Variants in BBS12 observed in about 807,000 individuals in gnomAD.
BBS12 encodes chaperonin-containing T-complex member BBS12.
Under a neutral mutation model 5.6 loss-of-function variants are expected in BBS12, and 5 were observed. The observed-to-expected ratio is 0.89, with a 90% CI of 0.46 to 1.86. The LOEUF (loss-of-function observed/expected upper bound fraction) is 1.86. BBS12 is among the 40% of genes most tolerant of loss of function. The pLI is 0.01. For synonymous variants in BBS12, 308 were observed against 306.8 expected (o/e 1.00, Z -0.04); for missense variants, 748 against 830.4 (o/e 0.90, Z 1.22).
At chr4:122,723,650 C>G in the BBS12 span, among the ~76,000 whole-genome samples, 1 of 152,190 alleles carries the variant, frequency 6.6e-6, no homozygotes, top group Non-Finnish European at 1.5e-5. Context: ...TACCTGAAAC[C>G]TGGCAGGTGG....
chr4:122,730,514 G>C (rs1243071488), upstream of BBS12: 1 of 152,174 alleles, frequency 6.6e-6, no homozygotes, highest in Non-Finnish European at 1.5e-5. Context: ...ATACAAATTT[G>C]TTAATTTTCC....
At chr4:122,729,797 A>C (rs986888147), upstream of BBS12, 1 of 152,190 alleles carries the variant, frequency 6.6e-6, no homozygotes, top group African/African-American at 2.4e-5. Flanking sequence ...AATGCAAAAA[A>C]TTAGCTAGGC....
At chr4:122,717,823 C>A in the BBS12 span, among the ~76,000 whole-genome samples, 1 of 152,174 alleles carries the variant, frequency 6.6e-6, no homozygotes, top group African/African-American at 2.4e-5. Flanking sequence ...CCACACCGAG[C>A]CACTTTTCTG....
At chr4:122,717,834 C>T in the BBS12 span, among the ~76,000 whole-genome samples, 2 of 152,250 alleles carry the variant, frequency 1.3e-5, no homozygotes, top group South Asian at 4.1e-4. Flanking sequence ...CACTTTTCTG[C>T]TTTTCTCCCC....
chr4:122,742,314 T>TG lies in BBS12; in HGVS notation c.424dup (p.Asp142GlyfsTer10), dbSNP rs1553941258. The TG allele has an allele frequency of 1.9e-6, 3 of 1,614,150 alleles. No homozygotes were observed. ...CCTGTTCACAATATATTTGACTGTA[T>TG]GGACAGCACAAAAACATTTTCTCAA... On this transcript the variant is annotated frameshift_variant, in exon 2 of 2. Transcript: ENST00000314218. LOFTEE classifies it low-confidence loss of function (END_TRUNC).
rs1800960321 is a variant in BBS12 at position 122,744,666 on chromosome 4, A to T, written c.*641A>T. 1 of 167,372 alleles carries T rather than the reference A, an allele frequency of 6.0e-6. No individual in the cohort carries two copies. The allele number at this position is 167,372 out of a possible 1,614,324, so 10.4% of individuals were successfully genotyped here. On this transcript the variant is annotated 3_prime_UTR_variant, in exon 2 of 2. Coordinates refer to ENST00000314218, the MANE Select transcript of BBS12 (RefSeq NM_152618.3). ...AATTTTCACATGAGTATGCCACTCT[A>T]TCAGCTACTCTGATTAACCTGACAG...
In BBS12 at chr4:122,743,404, C is replaced by T. The variant is rs777299324; in HGVS notation, c.1512C>T (p.Leu504=). 10 of 1,614,096 alleles carry T rather than the reference C, an allele frequency of 6.2e-6. No homozygotes were observed. The highest frequency in any genetic ancestry group is 1.6e-4 in the Middle Eastern group (1 of 6,084). The change falls in exon 2 of 2, where the codon CTC becomes CTT. Residue 504 remains leucine, a synonymous_variant. Transcript: ENST00000314218. Reference sequence around the variant, plus strand: ...GAATTAATTTGGTTACGGCCGTGCTCACTAACCCAGTTACTGCACAGATGC... The same window carrying T: ...GAATTAATTTGGTTACGGCCGTGCTTACTAACCCAGTTACTGCACAGATGC... The part of the protein sequence containing the change: ...TEGINLVTAV[L]TNPVTAQMQI...
upstream of BBS12, chr4:122,731,632 T>G (rs1456385820): frequency 6.6e-6 from 1 of 152,244 alleles, no homozygotes; most frequent in Non-Finnish European, 1.5e-5. Context: ...TCAGCTACCA[T>G]TTTTTAAATT....
chr4:122,710,594 A>G, the BBS12 span, among the ~76,000 whole-genome samples: 1 of 152,208 alleles, frequency 6.6e-6, no homozygotes, highest in African/African-American at 2.4e-5. Context: ...GCATGGATAG[A>G]CTGACAGTTA....
In BBS12 at chr4:122,744,121, C is replaced by G; in HGVS notation, c.*96C>G. 7.8e-7 allele frequency: 1 copy of G among 1,288,392 alleles called. No individual in the cohort carries two copies. Among genetic ancestry groups the G allele is most frequent in the South Asian group, 1.2e-5 (1 of 80,458 alleles). 79.8% of individuals were successfully genotyped at this position (1,288,392 alleles called of 1,614,324 possible). A position where few individuals can be genotyped will look rare whatever the true frequency, so the allele number is the denominator to read the frequency against. ...CAAGTCATGGTGCCTAAAATGCCAG[C>G]TATTGCCAAGAAGAAAATAGTTGAT... On this transcript the variant is annotated 3_prime_UTR_variant, in exon 2 of 2. Coordinates refer to ENST00000314218, the MANE Select transcript of BBS12 (RefSeq NM_152618.3).
chr4:122,738,943 A>G (rs748602937), intron 1 of BBS12, among the ~76,000 whole-genome samples: 8 of 152,190 alleles, frequency 5.3e-5, no homozygotes, highest in Non-Finnish European at 8.8e-5. Context: ...ATTTGAAAAT[A>G]GTTTCTTTGT....
the BBS12 span, among the ~76,000 whole-genome samples, chr4:122,723,292 T>C: frequency 1.1e-4 from 17 of 152,320 alleles, no homozygotes; most frequent in South Asian, 3.5e-3. Flanking sequence ...TATCTCTTTT[T>C]CTATTCTCTG....
At chr4:122,727,391 C>T in the BBS12 span, among the ~76,000 whole-genome samples, 3 of 151,804 alleles carry the variant, frequency 2.0e-5, no homozygotes, top group South Asian at 6.2e-4. Flanking sequence ...ACTACAGGTG[C>T]CTGCCACCAT....
At chr4:122,735,550 G>A (rs1398039177) in intron 1 of BBS12, among the ~76,000 whole-genome samples, 1 of 152,146 alleles carries the variant, frequency 6.6e-6, no homozygotes, top group Non-Finnish European at 1.5e-5. Flanking sequence ...GTGCCAAATA[G>A]GAATCAAGTC....
At position 122,742,858 on chromosome 4, in the gene BBS12, C is replaced by A; in HGVS notation, c.966C>A (p.Gly322=). Residue 322 remains glycine, a synonymous_variant, in exon 2 of 2, where the codon GGC becomes GGA. Coordinates refer to ENST00000314218, the MANE Select transcript of BBS12 (RefSeq NM_152618.3). ...ISRIFTCCLP[G]LPETSSCVCP... is the part of the protein sequence containing the mutation. ...GAATTTTCACTTGCTGTCTACCAGG[C>A]TTACCTGAAACTTCTTCTTGTGTTT... 1 of 1,614,208 alleles carries A rather than the reference C, an allele frequency of 6.2e-7. No individual in the cohort carries two copies. The highest frequency in any genetic ancestry group is 8.5e-7 in the Non-Finnish European group (1 of 1,180,044).
the BBS12 span, among the ~76,000 whole-genome samples, chr4:122,726,486 T>C: frequency 6.6e-6 from 1 of 152,152 alleles, no homozygotes; most frequent in African/African-American, 2.4e-5. Flanking sequence ...GAAGGTAAAC[T>C]AATACAGCCA....
At chr4:122,726,917 A>G in the BBS12 span, among the ~76,000 whole-genome samples, 3 of 152,282 alleles carry the variant, frequency 2.0e-5, no homozygotes, top group East Asian at 5.8e-4. Context: ...GATGCAAAGG[A>G]ATAAGAATGA....
the BBS12 span, among the ~76,000 whole-genome samples, chr4:122,718,697 G>C: frequency 1.8e-4 from 26 of 146,722 alleles, no homozygotes; most frequent in African/African-American, 6.6e-4. Context: ...AAATTATAGA[G>C]AACAGGGATT....
At chr4:122,735,361 G>A (rs1485729211) in intron 1 of BBS12, among the ~76,000 whole-genome samples, 1 of 152,128 alleles carries the variant, frequency 6.6e-6, no homozygotes, top group Non-Finnish European at 1.5e-5. Flanking sequence ...TTAGGTTGAG[G>A]TTAGATTATA....
Sources: gnomAD v4.1 joint callset for allele counts (sites outside exome capture counted in the v4.1 genomes callset) on GRCh38, gnomAD v4.1.1 for gene constraint, MANE v1.5 for transcripts, NCBI Gene and HGNC (gene_info 2026-07-23, HGNC 2026-07-21) for gene names.